SPATA31D1: variants seen among roughly 807,000 people sequenced by gnomAD.
The protein encoded by SPATA31D1 is spermatogenesis-associated protein 31D1.
In SPATA31D1, 6 loss-of-function variants were observed where a neutral mutation model predicts 13.2. That is an observed-to-expected ratio of 0.46 (90% CI 0.25 to 0.90). The LOEUF (loss-of-function observed/expected upper bound fraction) is 0.90. Among genes scored for constraint, SPATA31D1 ranks in the 40% least tolerant of loss-of-function variants. SPATA31D1 has a pLI of 0.18. For missense variants in SPATA31D1, 2,445 were observed against 1,884.7 expected (o/e 1.30, Z -5.50); for synonymous variants, 903 against 718.8 (o/e 1.26, Z -4.10).
intron 3 of SPATA31D1, 42 bp from the exon 4 acceptor site, chr9:81,990,731 A>G (rs1824935531): frequency 2.6e-6 from 4 of 1,562,360 alleles, no homozygotes; most frequent in African/African-American, 1.4e-5. Context: ...CACCCCTGCC[A>G]GGCTAACAAA....
At chr9:81,988,047 C>A (rs1413446341), upstream of SPATA31D1, among the ~76,000 whole-genome samples, 5 of 152,304 alleles carry the variant, frequency 3.3e-5, no homozygotes, top group East Asian at 9.6e-4. Flanking sequence ...CACCAATCAA[C>A]TATTAATTCC....
rs201882058 is a variant in SPATA31D1, at chr9:81,993,879, G to A, written c.3409G>A (p.Val1137Ile). The A allele has an allele frequency of 1.2e-5, 20 of 1,614,008 alleles. No homozygotes were observed. The highest frequency in any genetic ancestry group is 1.4e-5 in the Non-Finnish European group (17 of 1,179,898). Reference sequence around the variant, plus strand: ...TAAGAGAAAGAGTTCCTTTCATAATGTAGACAGGCTTCAGGGCAGTAGAAA... The same window carrying A: ...TAAGAGAAAGAGTTCCTTTCATAATATAGACAGGCTTCAGGGCAGTAGAAA... The part of the protein sequence containing the change: ...WDKRKSSFHN[V>I]DRLQGSRKTF... The change falls in exon 4 of 4, where the codon GTA becomes ATA. Residue 1137 changes from valine (V) to isoleucine (I), a missense_variant. Val to Ile is a conservative substitution (Grantham distance 29). Coordinates refer to ENST00000344803, the MANE Select transcript of SPATA31D1 (RefSeq NM_001001670.3).
At chr9:81,987,701 A>G (rs1472950903), upstream of SPATA31D1, among the ~76,000 whole-genome samples, 1 of 152,206 alleles carries the variant, frequency 6.6e-6, no homozygotes, top group Non-Finnish European at 1.5e-5. Flanking sequence ...TATAGATGTT[A>G]AATAATGCAT....
chr9:81,991,616 C>A lies in SPATA31D1; in HGVS notation c.1146C>A (p.Thr382=). The change falls in exon 4 of 4, where the codon ACC becomes ACA. Residue 382 remains threonine (T), a synonymous_variant. Transcript: ENST00000344803. The stretch of plus-strand genomic sequence containing the variant: ...CTGATTTCATGGAGGAGCTTCTTAC[C>A]CTTCATTCTTCTGAGGCCTTTTTAG... ...VPSDFMEELL[T]LHSSEAFLGG... is the part of the protein sequence containing the mutation. 1.2e-6 allele frequency: 2 copies of A among 1,613,934 alleles called. No individual in the cohort carries two copies. Among genetic ancestry groups the A allele is most frequent in the South Asian group, 2.2e-5 (2 of 91,080 alleles).
At position 81,992,155 on chromosome 9, in the gene SPATA31D1, C is replaced by T. The variant is rs376833827; in HGVS notation, c.1685C>T (p.Pro562Leu). 128 of 1,613,628 alleles carry T rather than the reference C, an allele frequency of 7.9e-5. No individual in the cohort carries two copies. The highest frequency in any genetic ancestry group is 1.2e-4 in the Admixed American group (7 of 59,988). Residue 562 changes from proline to leucine, a missense_variant, in exon 4 of 4, where the codon CCC becomes CTC. Pro to Leu is a moderately conservative substitution (Grantham distance 98, BLOSUM62 -3). Coordinates refer to ENST00000344803, the MANE Select transcript of SPATA31D1 (RefSeq NM_001001670.3). ...TCCTTGCCTAGTACCCAACCACTAC[C>T]CTTGCCTCAAACCCTGCCCCAAGGT... ...PLSLPSTQPLPLPQTLPQGQS... is the reference protein window; with the variant it reads ...PLSLPSTQPLLLPQTLPQGQS...
chr9:81,989,674 T>C, intron 1 of SPATA31D1, 104 bp from the exon 2 acceptor site: 3 of 1,241,688 alleles, frequency 2.4e-6, no homozygotes, highest in Non-Finnish European at 3.4e-6. Flanking sequence ...TAAAGAGTAA[T>C]ATTCTTGTAT....
At position 81,990,826 on chromosome 9, in the gene SPATA31D1, A is replaced by G; in HGVS notation, c.356A>G (p.His119Arg). The G allele has an allele frequency of 6.2e-7, 1 of 1,613,716 alleles. No individual in the cohort carries two copies. Among genetic ancestry groups the G allele is most frequent in the Non-Finnish European group, 8.5e-7 (1 of 1,179,794 alleles). ...CGGGGCCAGCATCATGATACCAACC[A>G]CTTTCGTCGACTGTTATGCCCAGAC... ...SPRGQHHDTN[H>R]FRRLLCPDPV... Residue 119 changes from histidine to arginine, a missense_variant, in exon 4 of 4, where the codon CAC becomes CGC. By Grantham distance (29) the His-to-Arg change is conservative (BLOSUM62 0). Transcript: ENST00000344803.
upstream of SPATA31D1, chr9:81,988,746 C>G (rs141413925): frequency 0.016 from 26,216 of 1,606,940 alleles, 310 homozygotes; most frequent in Middle Eastern, 0.029. Context: ...CTCTGTGATG[C>G]AGGCCTGTGC....
chr9:81,994,357 C>T lies in SPATA31D1; in HGVS notation c.3887C>T (p.Pro1296Leu). Residue 1296 changes from proline (P) to leucine (L), a missense_variant, in exon 4 of 4, where the codon CCT (proline) becomes CTT (leucine). Pro to Leu is a moderately conservative substitution (Grantham distance 98). Coordinates refer to ENST00000344803, the MANE Select transcript of SPATA31D1 (RefSeq NM_001001670.3). ...NFPPAVNRVS[P>L]VRPKGGELDG... is the part of the protein sequence containing the mutation. ...CCACCAGCTGTAAACAGAGTGAGTC[C>T]TGTGAGACCCAAAGGAGGAGAGCTT... 1 of 1,613,912 alleles carries T rather than the reference C, an allele frequency of 6.2e-7. No homozygotes were observed. The highest frequency in any genetic ancestry group is 8.5e-7 in the Non-Finnish European group (1 of 1,179,862).
At position 81,995,033 on chromosome 9, in the gene SPATA31D1, G is replaced by A. The variant is rs1295811704; in HGVS notation, c.4563G>A (p.Arg1521=). ...CQSHPQSMPH[R]KPVPHPNPTC... is the part of the protein sequence containing the mutation. ...GCCATCCCCAATCCATGCCCCACAGGAAGCCTGTGCCACATCCAAACCCCA... is the reference window on the plus strand; with the variant it reads ...GCCATCCCCAATCCATGCCCCACAGAAAGCCTGTGCCACATCCAAACCCCA... Residue 1521 remains arginine, a synonymous_variant, in exon 4 of 4, where the codon AGG becomes AGA. Coordinates refer to ENST00000344803, the MANE Select transcript of SPATA31D1 (RefSeq NM_001001670.3). The A allele has an allele frequency of 6.2e-7, 1 of 1,613,784 alleles. No homozygotes were observed. Among genetic ancestry groups the A allele is most frequent in the Non-Finnish European group, 8.5e-7 (1 of 1,179,868 alleles).
rs1322759132 is a variant in SPATA31D1, at chr9:81,993,719, G to A, written c.3249G>A (p.Glu1083=). 6.2e-7 allele frequency: 1 copy of A among 1,614,004 alleles called. No homozygotes were observed. Among genetic ancestry groups the A allele is most frequent in the Non-Finnish European group, 8.5e-7 (1 of 1,179,888 alleles). The change falls in exon 4 of 4, where the codon GAG becomes GAA. Residue 1083 remains glutamate (E), a synonymous_variant. Transcript: ENST00000344803. ...TTACAGAAAGTGTCCGGACAACAGA[G>A]GATGGCAGACAGACTTTTCTGCCCC... ...NDLTESVRTT[E]DGRQTFLPPP... is the part of the protein sequence containing the mutation.
Position 81,993,502 on chromosome 9 carries a change from A to C in SPATA31D1, c.3032A>C (p.Asp1011Ala), listed in dbSNP as rs753135416. The C allele has an allele frequency of 6.2e-6, 10 of 1,613,764 alleles. No individual in the cohort carries two copies. The Admixed American group carries it at 6.7e-5, about 11-fold the overall frequency. The part of the protein sequence containing the change: ...LRRQFSDTDH[D>A]LIETDSKDGA... ...AGACAATTTTCTGATACTGACCATG[A>C]CCTTATAGAGACAGATTCCAAAGAC... Residue 1011 changes from aspartate (D) to alanine (A), a missense_variant, in exon 4 of 4, where the codon GAC (aspartate) becomes GCC (alanine). Coordinates refer to ENST00000344803, the MANE Select transcript of SPATA31D1 (RefSeq NM_001001670.3).
rs189290500 is a variant in SPATA31D1, at chr9:81,991,428, A to G, written c.958A>G (p.Ile320Val). The change falls in exon 4 of 4, where the codon ATC (isoleucine) becomes GTC (valine). Residue 320 changes from isoleucine (I) to valine (V), a missense_variant. Physicochemically the swap from Ile to Val is conservative, Grantham distance 29. Coordinates refer to ENST00000344803, the MANE Select transcript of SPATA31D1 (RefSeq NM_001001670.3). ...GACTCAGTCTAAATCAAGTCTCACC[A>G]TCTTGAAGACTTTTCCGGAAATGTT... is the stretch of plus-strand genomic sequence containing the variant. ...TVTQSKSSLT[I>V]LKTFPEMLSL... 2.4e-3 allele frequency: 3,778 copies of G among 1,564,192 alleles called. No homozygotes were observed. In the African/African-American group the frequency reaches 0.036, roughly 15 times the overall value.
Position 81,992,415 on chromosome 9 carries a change from G to T in SPATA31D1, c.1945G>T (p.Asp649Tyr). The T allele has an allele frequency of 6.2e-7, 1 of 1,613,420 alleles. No homozygotes were observed. The highest frequency in any genetic ancestry group is 8.5e-7 in the Non-Finnish European group (1 of 1,179,732). ...CTCTGTGGTTCAAAAATCCCAGGAAGACTTTTGTCCTCCAGCTCCCAATCC... is the reference window on the plus strand; with the variant it reads ...CTCTGTGGTTCAAAAATCCCAGGAATACTTTTGTCCTCCAGCTCCCAATCC... ...LPSVVQKSQE[D>Y]FCPPAPNPEL... The change falls in exon 4 of 4, where the codon GAC (aspartate) becomes TAC (tyrosine). Residue 649 changes from aspartate to tyrosine, a missense_variant. Coordinates refer to ENST00000344803, the MANE Select transcript of SPATA31D1 (RefSeq NM_001001670.3).
Position 81,991,221 on chromosome 9 carries a change from C to G in SPATA31D1, c.751C>G (p.His251Asp), listed in dbSNP as rs778785302. The change falls in exon 4 of 4, where the codon CAT (histidine) becomes GAT (aspartate). Residue 251 changes from histidine to aspartate, a missense_variant. Transcript: ENST00000344803. ...GCTTCCCTTTCCCCTTCTCCCACCA[C>G]ATCACATTGAGAGAGTGGAGTCCAG... ...QQLPFPLLPP[H>D]HIERVESSLQ... is the part of the protein sequence containing the mutation. 1 of 1,614,020 alleles carries G rather than the reference C, an allele frequency of 6.2e-7. No individual in the cohort carries two copies. Among genetic ancestry groups the G allele is most frequent in the Non-Finnish European group, 8.5e-7 (1 of 1,179,896 alleles).
chr9:81,990,075 A>C, intron 2 of SPATA31D1: 1 of 532,252 alleles, frequency 1.9e-6, no homozygotes, highest in East Asian at 3.1e-5. Flanking sequence ...GCCAACTGAG[A>C]TATCCAGGAG....
At position 81,995,065 on chromosome 9, in the gene SPATA31D1, G is replaced by A. The variant is rs752642779; in HGVS notation, c.4595G>A (p.Arg1532Gln). 36 of 1,613,214 alleles carry A rather than the reference G, an allele frequency of 2.2e-5. 1 individual carries two copies. The Middle Eastern group carries it at 9.9e-4, about 44-fold the overall frequency. The change falls in exon 4 of 4, where the codon CGG (arginine) becomes CAG (glutamine). Residue 1532 changes from arginine (R) to glutamine (Q), a missense_variant. Coordinates refer to ENST00000344803, the MANE Select transcript of SPATA31D1 (RefSeq NM_001001670.3). ...GTGCCACATCCAAACCCCACTTGCC[G>A]GCGTCAGGTCAGCCTGGTGTGTCCA... is the stretch of plus-strand genomic sequence containing the variant. The part of the protein sequence containing the change: ...KPVPHPNPTC[R>Q]RQVSLVCPAV...
Position 81,988,885 on chromosome 9 carries a change from T to C in SPATA31D1, c.67T>C (p.Leu23=), listed in dbSNP as rs1824898471. Residue 23 remains leucine, a synonymous_variant, in exon 1 of 4, where the codon TTG becomes CTG. Coordinates refer to ENST00000344803, the MANE Select transcript of SPATA31D1 (RefSeq NM_001001670.3). ...ETGLSPDSHW[L]DIDPNFICLS... The stretch of plus-strand genomic sequence containing the variant: ...AGGGCTGAGCCCTGACTCACATTGG[T>C]TGGATATCGACCCCAACTTCATCTG... 1 of 1,612,922 alleles carries C rather than the reference T, an allele frequency of 6.2e-7. No homozygotes were observed. Among genetic ancestry groups the C allele is most frequent in the Non-Finnish European group, 8.5e-7 (1 of 1,179,708 alleles).
chr9:81,988,704 C>T (rs1824894690), upstream of SPATA31D1: 2 of 1,528,638 alleles, frequency 1.3e-6, no homozygotes, highest in Admixed American at 1.9e-5. Flanking sequence ...TTGCTCCCTG[C>T]ACCCTTAGAA....
Sources: allele counts gnomAD v4.1 joint callset (sites outside exome capture counted in the v4.1 genomes callset), GRCh38; gene constraint gnomAD v4.1.1; transcripts MANE v1.5; gene names NCBI Gene and HGNC (gene_info 2026-07-23, HGNC 2026-07-21).